The following ZFP1 variants were observed in gnomAD, a reference collection of about 807,000 sequenced individuals.
The protein encoded by ZFP1 is ZFP1 zinc finger protein.
ZFP1 carries 32 observed loss-of-function variants against 38.5 expected under a neutral mutation model. The observed-to-expected ratio is 0.83, with a 90% confidence interval of 0.63 to 1.12. The LOEUF (loss-of-function observed/expected upper bound fraction) is 1.12, where lower values mean the gene tolerates loss of function less well. Ranked by LOEUF, ZFP1 falls within the 50% of genes most tolerant of loss-of-function variation. The pLI is 0.00. For synonymous variants in ZFP1, 245 were observed against 168.8 expected, an observed-to-expected ratio of 1.45 and a Z score of -3.50; for missense variants, 616 against 480.8, an observed-to-expected ratio of 1.28 and a Z score of -2.63.
intron 1 of ZFP1, among the ~76,000 whole-genome samples, chr16:75,152,589 G>T (rs774958289): frequency 1.3e-5 from 2 of 152,164 alleles, no homozygotes; most frequent in African/African-American, 4.8e-5. Context: ...ACCTTTTCTA[G>T]TAAAGCCTTT....
intron 2 of ZFP1, among the ~76,000 whole-genome samples, chr16:75,156,288 T>C (rs1454112428): frequency 6.6e-6 from 1 of 152,050 alleles, no homozygotes; most frequent in Non-Finnish European, 1.5e-5. Flanking sequence ...ACCCTGTCTT[T>C]ACTAAAAATA....
At chr16:75,140,750 G>A in the ZFP1 span, among the ~76,000 whole-genome samples, 1 of 152,194 alleles carries the variant, frequency 6.6e-6, no homozygotes, top group Non-Finnish European at 1.5e-5. Flanking sequence ...ACGAGGTCAG[G>A]AGATCGAGAC....
the ZFP1 span, among the ~76,000 whole-genome samples, chr16:75,131,303 G>C: frequency 6.6e-6 from 1 of 152,128 alleles, no homozygotes; most frequent in Non-Finnish European, 1.5e-5. Context: ...TCCCGGAAGA[G>C]GAAATTTGAG....
At position 75,169,316 on chromosome 16, in the gene ZFP1, A is replaced by C. The variant is rs1366464699; in HGVS notation, c.206A>C (p.Gln69Pro). 7 of 1,613,980 alleles carry C rather than the reference A, an allele frequency of 4.3e-6. No individual in the cohort carries two copies. Among genetic ancestry groups the C allele is most frequent in the Non-Finnish European group, 5.9e-6 (7 of 1,180,022 alleles). The stretch of plus-strand genomic sequence containing the variant: ...AGAAACCCAGACGAGCAGGCGAGGC[A>C]ATTTTTAATTCTTAAGAACCAAACC... ...DHRNPDEQAR[Q>P]FLILKNQTPI... Residue 69 changes from glutamine to proline, a missense_variant, in exon 4 of 4, where the codon CAA becomes CCA. Transcript: ENST00000570010.
the ZFP1 span, among the ~76,000 whole-genome samples, chr16:75,137,355 C>G: frequency 4.2e-3 from 641 of 151,028 alleles, 5 homozygotes; most frequent in African/African-American, 0.014. Flanking sequence ...CTCACACCTG[C>G]AATTTCAGCA....
chr16:75,170,022 C>G lies in ZFP1; in HGVS notation c.912C>G (p.Thr304=). 1 of 1,614,066 alleles carries G rather than the reference C, an allele frequency of 6.2e-7. No individual in the cohort carries two copies. The highest frequency in any genetic ancestry group is 8.5e-7 in the Non-Finnish European group (1 of 1,180,028). The stretch of plus-strand genomic sequence containing the variant: ...ATGAGTGTAACGAATGTGCAAAAAC[C>G]TTCTTTAAGAAGTCAAACCTTATCA... ...RPYECNECAK[T]FFKKSNLIIH... The change falls in exon 4 of 4, where the codon ACC becomes ACG. Residue 304 remains threonine (T), a synonymous_variant. Transcript: ENST00000570010.
the ZFP1 span, among the ~76,000 whole-genome samples, chr16:75,137,409 C>T: frequency 6.7e-6 from 1 of 148,726 alleles, no homozygotes. Flanking sequence ...AGCAGAAGTT[C>T]AAGACCAGCA....
At chr16:75,165,152 G>A (rs541763998) in intron 2 of ZFP1, among the ~76,000 whole-genome samples, 5 of 152,136 alleles carry the variant, frequency 3.3e-5, no homozygotes, top group Admixed American at 6.6e-5. Flanking sequence ...ATTTGTTGAC[G>A]TGTTGCCTAT....
chr16:75,142,693 T>C, the ZFP1 span, among the ~76,000 whole-genome samples: 3 of 152,162 alleles, frequency 2.0e-5, no homozygotes, highest in African/African-American at 7.2e-5. Context: ...AAATAAAACC[T>C]GTTATTTTAT....
intron 1 of ZFP1, among the ~76,000 whole-genome samples, chr16:75,151,928 A>T (rs973161249): frequency 7.2e-5 from 11 of 152,146 alleles, no homozygotes; most frequent in Non-Finnish European, 2.9e-5. Context: ...TTACTTCATT[A>T]TCATTTTTGA....
At chr16:75,142,202 A>T in the ZFP1 span, among the ~76,000 whole-genome samples, 5 of 116,302 alleles carry the variant, frequency 4.3e-5, no homozygotes, top group East Asian at 1.0e-3. Context: ...CTAAAAATAC[A>T]AAAAAAAAAA....
At chr16:75,154,800 AATTTTT>A (rs1207626702) in intron 2 of ZFP1, among the ~76,000 whole-genome samples, 22 of 151,544 alleles carry the variant, frequency 1.5e-4, no homozygotes, top group African/African-American at 5.1e-4. Flanking sequence ...TTATGTTTTT[AATTTTT>A]ATTTTTTTTG....
chr16:75,144,794 A>G (rs564192064), upstream of ZFP1, among the ~76,000 whole-genome samples: 14 of 152,280 alleles, frequency 9.2e-5, no homozygotes, highest in South Asian at 2.5e-3. Flanking sequence ...GGAATCATAC[A>G]GTATTTGTCC....
chr16:75,158,905 CTTTTT>C (rs71158583), intron 2 of ZFP1, among the ~76,000 whole-genome samples: 2 of 125,136 alleles, frequency 1.6e-5, no homozygotes, highest in East Asian at 4.6e-4. Flanking sequence ...TTTGTCTTGT[CTTTTT>C]TTTTTTTTTT....
At chr16:75,167,558 T>C (rs1385985825) in intron 3 of ZFP1, among the ~76,000 whole-genome samples, 1 of 152,200 alleles carries the variant, frequency 6.6e-6, no homozygotes, top group African/African-American at 2.4e-5. Flanking sequence ...TTTGCTATTA[T>C]GCATAGTGCT....
At chr16:75,143,334 C>T in the ZFP1 span, among the ~76,000 whole-genome samples, 2 of 151,940 alleles carry the variant, frequency 1.3e-5, no homozygotes, top group Admixed American at 6.6e-5. Flanking sequence ...CTCCGCCCCT[C>T]GAGTTCAAGC....
the ZFP1 span, among the ~76,000 whole-genome samples, chr16:75,120,188 A>G: frequency 1.3e-5 from 2 of 152,100 alleles, no homozygotes; most frequent in African/African-American, 4.8e-5. Flanking sequence ...TTTGTATTTA[A>G]AAGGACTTCA....
At chr16:75,141,485 G>C in the ZFP1 span, among the ~76,000 whole-genome samples, 1 of 151,942 alleles carries the variant, frequency 6.6e-6, no homozygotes, top group South Asian at 2.1e-4. Context: ...GATTACAGGC[G>C]TGAGCCACCG....
At chr16:75,160,969 A>G (rs1292797975) in intron 2 of ZFP1, among the ~76,000 whole-genome samples, 5 of 152,208 alleles carry the variant, frequency 3.3e-5, no homozygotes, top group South Asian at 2.1e-4. Flanking sequence ...AAGTTTCAAC[A>G]TGAAATTTTA....
Sources: allele counts gnomAD v4.1 joint callset (sites outside exome capture counted in the v4.1 genomes callset), GRCh38; gene constraint gnomAD v4.1.1; transcripts MANE v1.5; gene names NCBI Gene and HGNC (gene_info 2026-07-23, HGNC 2026-07-21).